PRKG2: variants seen among roughly 807,000 people sequenced by gnomAD.
PRKG2 encodes protein kinase cGMP-dependent 2.
PRKG2 carries 33 observed loss-of-function variants against 97.2 expected under a neutral mutation model. The ratio of observed to expected loss-of-function variants is 0.34; its 90% confidence interval spans 0.26 to 0.45. The LOEUF (loss-of-function observed/expected upper bound fraction) is 0.45, where lower values mean the gene tolerates loss of function less well. Ranked by LOEUF, PRKG2 falls within the 20% of genes least tolerant of loss-of-function variation. PRKG2 has a pLI of 1.00. For synonymous variants in PRKG2, 330 were observed against 321.8 expected (o/e 1.03, Z -0.27); for missense variants, 638 against 900.0 (o/e 0.71, Z 3.73).
chr4:81,210,314 G>A (rs924921499), intron 1 of PRKG2, among the ~76,000 whole-genome samples: 9 of 151,344 alleles, frequency 5.9e-5, no homozygotes, highest in Non-Finnish European at 1.2e-4. Flanking sequence ...CTGAGAGAAC[G>A]TACTTCTAAA....
chr4:81,110,853 C>A (rs948957718), intron 14 of PRKG2, among the ~76,000 whole-genome samples: 2 of 150,662 alleles, frequency 1.3e-5, no homozygotes, highest in South Asian at 2.1e-4. Flanking sequence ...AGTTGCACTG[C>A]GGAAAGTTCC....
At chr4:81,200,470 C>T (rs1320616800) in intron 2 of PRKG2, among the ~76,000 whole-genome samples, 1 of 152,168 alleles carries the variant, frequency 6.6e-6, no homozygotes, top group Non-Finnish European at 1.5e-5. Context: ...CCAGGAAGCA[C>T]CACCACTCTT....
rs774773074 is a variant in PRKG2, at chr4:81,089,732, T to G, written c.2265A>C (p.Leu755=). The change falls in exon 19 of 19, where the codon CTA becomes CTC. Residue 755 remains leucine, a synonymous_variant. Coordinates refer to ENST00000264399, the MANE Select transcript of PRKG2 (RefSeq NM_006259.3). ...GTCAGAAGTCTTTATCCCAGCCTGA[T>G]AGCTCATCTGGAGGCATTCCCTTTT... ...PPEKGMPPDE[L]SGWDKDF is the part of the protein sequence containing the mutation. The G allele has an allele frequency of 6.0e-5, 97 of 1,612,448 alleles. 1 individual carries two copies. In the South Asian group the frequency reaches 7.0e-4, roughly 12 times the overall value.
chr4:81,140,601 G>A lies in PRKG2; in HGVS notation c.1476C>T (p.Thr492=), dbSNP rs1433794577. 6.2e-7 allele frequency: 1 copy of A among 1,612,820 alleles called. No homozygotes were observed. The highest frequency in any genetic ancestry group is 1.7e-5 in the Admixed American group (1 of 60,004). Residue 492 remains threonine (T), a synonymous_variant, in exon 12 of 19, where the codon ACC becomes ACT. Transcript: ENST00000264399. ...CTGAGTAGACATGCTCCTGCTGCTT[G>A]GTGTCAACTATGTGCTTCTTCCTTA... ...KCIRKKHIVD[T]KQQEHVYSEK...
At chr4:81,197,805 C>T (rs1461379781) in intron 2 of PRKG2, among the ~76,000 whole-genome samples, 1 of 151,484 alleles carries the variant, frequency 6.6e-6, no homozygotes, top group Non-Finnish European at 1.5e-5. Context: ...GGGAAGACAA[C>T]ATGAAATAAG....
chr4:81,119,821 C>A (rs1298640008), intron 14 of PRKG2, among the ~76,000 whole-genome samples: 5 of 151,992 alleles, frequency 3.3e-5, no homozygotes, highest in African/African-American at 1.2e-4. Context: ...GCTACAGGCA[C>A]CCGCCACCAT....
intron 9 of PRKG2, among the ~76,000 whole-genome samples, chr4:81,145,961 C>A (rs12651341): frequency 0.14 from 21,606 of 152,040 alleles, 2,435 homozygotes; most frequent in East Asian, 0.46. Flanking sequence ...CACATATTAC[C>A]TACTGTGCAG....
At chr4:81,120,143 TC>T (rs1258318469) in intron 14 of PRKG2, among the ~76,000 whole-genome samples, 1 of 152,152 alleles carries the variant, frequency 6.6e-6, no homozygotes, top group Non-Finnish European at 1.5e-5. Context: ...TCTTAGTCAA[TC>T]CCAGAAGCCA....
At chr4:81,095,357 C>T (rs1042009796) in intron 17 of PRKG2, among the ~76,000 whole-genome samples, 17 of 152,150 alleles carry the variant, frequency 1.1e-4, no homozygotes, top group African/African-American at 3.6e-4. Context: ...CTACCCATTG[C>T]TTTTTTGCAT....
chr4:81,153,733 A>G lies in PRKG2; in HGVS notation c.913-12T>C, dbSNP rs1748654832. Reference sequence around the variant, plus strand: ...TTGTCATAGTATTCCTGTTGGGATGAGAGAGAAAGAAAATGTAAGAGCGGG... The same window carrying G: ...TTGTCATAGTATTCCTGTTGGGATGGGAGAGAAAGAAAATGTAAGAGCGGG... On this transcript the variant is annotated splice_polypyrimidine_tract_variant and intron_variant, in intron 6 of 18. Coordinates refer to ENST00000264399, the MANE Select transcript of PRKG2 (RefSeq NM_006259.3). The G allele has an allele frequency of 1.3e-6, 2 of 1,581,888 alleles. No homozygotes were observed. The highest frequency in any genetic ancestry group is 1.3e-5 in the African/African-American group (1 of 74,144).
At chr4:81,106,966 T>C (rs542875345) in intron 15 of PRKG2, among the ~76,000 whole-genome samples, 1 of 152,186 alleles carries the variant, frequency 6.6e-6, no homozygotes, top group Non-Finnish European at 1.5e-5. Context: ...AAAATAAATG[T>C]TTGCTGCTTA....
At chr4:81,176,739 C>T (rs1349738281) in intron 2 of PRKG2, among the ~76,000 whole-genome samples, 2 of 152,162 alleles carry the variant, frequency 1.3e-5, no homozygotes, top group East Asian at 1.9e-4. Context: ...CTCTTTAAAC[C>T]AGTATTTCTG....
chr4:81,174,223 G>T (rs929377508), intron 3 of PRKG2, among the ~76,000 whole-genome samples: 6 of 152,054 alleles, frequency 3.9e-5, no homozygotes, highest in African/African-American at 1.2e-4. Context: ...TTTGATTTGT[G>T]TGTTGGTCAA....
intron 11 of PRKG2, among the ~76,000 whole-genome samples, chr4:81,142,296 C>T (rs1247271222): frequency 2.6e-5 from 4 of 152,090 alleles, no homozygotes; most frequent in Admixed American, 6.5e-5. Flanking sequence ...TCTCACAATA[C>T]GAAATTTTGA....
At chr4:81,104,282 C>T in intron 17 of PRKG2, 88 bp downstream of exon 17, 1 of 903,564 alleles carries the variant, frequency 1.1e-6, no homozygotes, top group Non-Finnish European at 1.6e-6. Flanking sequence ...GGAAAGGGAC[C>T]TTTGTGGCCT....
rs144200725 is a variant in PRKG2, at chr4:81,145,992, C to T, written c.1155-1662G>A. 7.7e-3 allele frequency among the ~76,000 whole-genome samples: 1,168 copies of T among 152,244 alleles called. 20 individuals carry two copies. Among genetic ancestry groups the T allele is most frequent in the African/African-American group, 0.027 (1,109 of 41,548 alleles). ...TGCAGGGTATTTTTCCTTTCCCCTC[C>T]AGATCTATTCTCTACTCTTTTCTAG... On this transcript the variant is annotated intron_variant, in intron 9 of 18. Coordinates refer to ENST00000264399, the MANE Select transcript of PRKG2 (RefSeq NM_006259.3).
At chr4:81,182,565 G>A (rs1326372068) in intron 2 of PRKG2, among the ~76,000 whole-genome samples, 1 of 151,574 alleles carries the variant, frequency 6.6e-6, no homozygotes, top group Non-Finnish European at 1.5e-5. Context: ...GAAACAAAAA[G>A]AACAAAAATA....
chr4:81,157,968 A>T lies in PRKG2; in HGVS notation c.913-4247T>A, dbSNP rs544557885. 1.4e-3 allele frequency among the ~76,000 whole-genome samples: 205 copies of T among 149,002 alleles called. 3 individuals are homozygous for T. The highest frequency in any genetic ancestry group is 4.9e-3 in the African/African-American group (187 of 38,518). ...GCTATCTATGACAAACCCACAGCCA[A>T]TATCATACTGAATGGGCAAAAACTG... On this transcript the variant is annotated intron_variant, in intron 6 of 18. Coordinates refer to ENST00000264399, the MANE Select transcript of PRKG2 (RefSeq NM_006259.3).
chr4:81,098,745 C>T (rs772528975), intron 17 of PRKG2, among the ~76,000 whole-genome samples: 25 of 152,054 alleles, frequency 1.6e-4, no homozygotes, highest in Non-Finnish European at 3.2e-4. Context: ...TATATGGCTG[C>T]GGTTTGTGGT....
Sources: allele counts gnomAD v4.1 joint callset (sites outside exome capture counted in the v4.1 genomes callset), GRCh38; gene constraint gnomAD v4.1.1; transcripts MANE v1.5; gene names NCBI Gene and HGNC (gene_info 2026-07-23, HGNC 2026-07-21).